Variants in CELF2 observed in about 807,000 individuals in gnomAD.
CELF2 encodes CUGBP Elav-like family member 2, also known as CUG triplet repeat RNA-binding protein 2.
In CELF2, 8 loss-of-function variants were observed where a neutral mutation model predicts 62.6. The observed-to-expected ratio is 0.13, with a 90% CI of 0.07 to 0.23. The LOEUF is 0.23. Ranked by LOEUF, CELF2 falls within the 10% of genes least tolerant of loss-of-function variation. The pLI is 1.00. For missense variants in CELF2, 333 were observed against 671.0 expected (o/e 0.50, Z 5.56); for synonymous variants, 258 against 250.0 (o/e 1.03, Z -0.30).
chr10:10,743,723 T>C, the CELF2 span, among the ~76,000 whole-genome samples: 3 of 152,228 alleles, frequency 2.0e-5, no homozygotes, highest in Non-Finnish European at 2.9e-5. Context: ...GTGGTTGCTA[T>C]GGAAATTATT....
At chr10:11,162,091 T>A (rs534249438) in intron 1 of CELF2, among the ~76,000 whole-genome samples, 1 of 152,276 alleles carries the variant, frequency 6.6e-6, no homozygotes, top group African/African-American at 2.4e-5. Context: ...ATTCAGGGCA[T>A]GTGATTCGGC....
At chr10:10,920,677 T>C (rs1458610392) in intron 2 of CELF2, among the ~76,000 whole-genome samples, 1 of 145,900 alleles carries the variant, frequency 6.9e-6, no homozygotes, top group Non-Finnish European at 1.5e-5. Context: ...CAGCATTTAA[T>C]GGAAGGGAGG....
chr10:10,885,904 C>G (rs1243408799), intron 1 of CELF2, among the ~76,000 whole-genome samples: 1 of 152,138 alleles, frequency 6.6e-6, no homozygotes, highest in Admixed American at 6.5e-5. Context: ...CTTTAAGATC[C>G]TTAATTTAAT....
chr10:11,023,453 T>G (rs7068124), intron 1 of CELF2, among the ~76,000 whole-genome samples: 1 of 152,210 alleles, frequency 6.6e-6, no homozygotes, highest in Non-Finnish European at 1.5e-5. Flanking sequence ...ATGTGATGCT[T>G]TCAGGTAATT....
chr10:10,666,583 C>CTTGGTTTTGCACACACATT, the CELF2 span, among the ~76,000 whole-genome samples: 30 of 138,426 alleles, frequency 2.2e-4, no homozygotes, highest in African/African-American at 3.1e-4. Context: ...AAGAAAGAGG[C>CTTGGTTTTGCACACACATT]CGGGCGCGGT....
chr10:10,651,688 C>A, the CELF2 span, among the ~76,000 whole-genome samples: 2 of 150,476 alleles, frequency 1.3e-5, no homozygotes, highest in Non-Finnish European at 3.0e-5. Context: ...AACTAACAAA[C>A]AGAAAAGACA....
upstream of CELF2, among the ~76,000 whole-genome samples, chr10:11,004,833 A>G (rs2054919330): frequency 6.6e-6 from 1 of 152,196 alleles, no homozygotes; most frequent in Non-Finnish European, 1.5e-5. The surrounding 1 kb of genome is among the most constrained non-coding windows in gnomAD (Gnocchi z 5.0). Flanking sequence ...AGAGGAGCAG[A>G]TGAATCCAAC....
At chr10:10,912,106 T>G (rs1374622556) in intron 1 of CELF2, among the ~76,000 whole-genome samples, 1 of 152,148 alleles carries the variant, frequency 6.6e-6, no homozygotes, top group African/African-American at 2.4e-5. Context: ...AAGAAAGAAA[T>G]GCAGTAGTGC....
the CELF2 span, among the ~76,000 whole-genome samples, chr10:10,585,657 A>T: frequency 6.6e-6 from 1 of 152,198 alleles, no homozygotes; most frequent in Non-Finnish European, 1.5e-5. Flanking sequence ...CCTTTGTCAT[A>T]TAAGAATAAA....
the CELF2 span, among the ~76,000 whole-genome samples, chr10:10,719,064 C>T: frequency 2.0e-5 from 3 of 147,862 alleles, no homozygotes; most frequent in Admixed American, 6.8e-5. Flanking sequence ...TGGGTTCAAG[C>T]GATTCTTCTG....
chr10:10,698,350 C>T, the CELF2 span, among the ~76,000 whole-genome samples: 21 of 152,244 alleles, frequency 1.4e-4, no homozygotes, highest in East Asian at 3.9e-4. Flanking sequence ...CTTTGATCTC[C>T]GCTTTGATTC....
chr10:10,877,397 G>A (rs2061169831), intron 1 of CELF2, among the ~76,000 whole-genome samples: 1 of 152,234 alleles, frequency 6.6e-6, no homozygotes, highest in Admixed American at 6.5e-5. Flanking sequence ...CATTGGTTCA[G>A]CCCAGAAAGG....
At position 11,332,701 on chromosome 10, in the gene CELF2, A is replaced by T. The variant is rs1156579545; in HGVS notation, c.*3648A>T. 2.0e-5 allele frequency: 3 copies of T among 151,550 alleles called. No homozygotes were observed. Among genetic ancestry groups the T allele is most frequent in the South Asian group, 2.1e-4 (1 of 4,818 alleles). The allele number at this position is 151,550 out of a possible 1,614,324, so 9.4% of individuals were successfully genotyped here. ...ACCCTGTTAGGATCAGTGTGTGTGG[A>T]TGGGATAGCCCTGGGATGGAAAGGA... is the stretch of plus-strand genomic sequence containing the variant. On this transcript the variant is annotated 3_prime_UTR_variant, in exon 13 of 13. Coordinates refer to ENST00000633077, the MANE Select transcript of CELF2 (RefSeq NM_001326342.2).
intron 5 of CELF2, among the ~76,000 whole-genome samples, chr10:11,258,268 G>A (rs925885901): frequency 6.6e-6 from 1 of 152,172 alleles, no homozygotes; most frequent in African/African-American, 2.4e-5. Flanking sequence ...GAAATGTTAA[G>A]AGTATGTTAA....
intron 2 of CELF2, chr10:10,948,260 C>T (rs1291802610): frequency 2.0e-5 from 3 of 152,298 alleles, no homozygotes; most frequent in Non-Finnish European, 4.4e-5. Flanking sequence ...CACCTGAGCT[C>T]ATGCTGCATC....
At chr10:11,026,470 T>C (rs1291275352) in intron 1 of CELF2, among the ~76,000 whole-genome samples, 1 of 152,192 alleles carries the variant, frequency 6.6e-6, no homozygotes, top group Non-Finnish European at 1.5e-5. Flanking sequence ...ATTTGGTCCT[T>C]GAAAACTCTT....
intron 2 of CELF2, chr10:11,169,353 A>T (rs1363115325): frequency 3.3e-5 from 5 of 152,270 alleles, no homozygotes; most frequent in Non-Finnish European, 7.3e-5. Flanking sequence ...GAGCGAGGAA[A>T]TGAATAAGTC....
intron 1 of CELF2, among the ~76,000 whole-genome samples, chr10:10,872,795 C>A (rs1483347989): frequency 1.3e-5 from 2 of 152,176 alleles, no homozygotes; most frequent in African/African-American, 4.8e-5. Flanking sequence ...AACCTCTTGC[C>A]ATAGACTTGA....
chr10:11,326,016 G>T lies in CELF2; in HGVS notation c.1438+37G>T, dbSNP rs367957491. ...AAACTAAGCTAGTATATTGCAGTAGGTTCCCAAGTGAAGAGTCGTGGGAAG... is the reference window on the plus strand; with the variant it reads ...AAACTAAGCTAGTATATTGCAGTAGTTTCCCAAGTGAAGAGTCGTGGGAAG... On this transcript the variant is annotated intron_variant, in intron 12 of 12. Transcript: ENST00000633077. 190 of 1,583,352 alleles carry T rather than the reference G, an allele frequency of 1.2e-4. 1 individual carries two copies. The African/African-American group carries it at 1.7e-3, about 14-fold the overall frequency.
Sources: allele counts gnomAD v4.1 joint callset (sites outside exome capture counted in the v4.1 genomes callset), GRCh38; gene constraint gnomAD v4.1.1; non-coding constraint Gnocchi (gnomAD v3.1); transcripts MANE v1.5; gene names NCBI Gene and HGNC (gene_info 2026-07-23, HGNC 2026-07-21).